Variants in AUTS2 observed in about 807,000 individuals in gnomAD.
The protein encoded by AUTS2 is activator of transcription and developmental regulator AUTS2, also known as autism susceptibility gene 2 protein.
Under a neutral mutation model 112.4 loss-of-function variants are expected in AUTS2, and 17 were observed. That is an observed-to-expected ratio of 0.15 (90% CI 0.10 to 0.23). The LOEUF is 0.23. Among genes scored for constraint, AUTS2 ranks in the 10% least tolerant of loss-of-function variants. The pLI is 1.00. For missense variants in AUTS2, 1,510 were observed against 1,701.6 expected (o/e 0.89, Z 1.98); for synonymous variants, 751 against 702.7 (o/e 1.07, Z -1.09).
At chr7:69,951,755 C>G (rs987779316) in intron 2 of AUTS2, among the ~76,000 whole-genome samples, 2 of 152,060 alleles carry the variant, frequency 1.3e-5, no homozygotes, top group South Asian at 4.1e-4. Context: ...GCTGATTTTT[C>G]CTTTCAACAG....
intron 4 of AUTS2, among the ~76,000 whole-genome samples, chr7:70,155,171 T>TCAAG (rs1807676301): frequency 6.6e-6 from 1 of 152,156 alleles, no homozygotes; most frequent in Non-Finnish European, 1.5e-5. Context: ...GTGGTCTCAT[T>TCAAG]CAAGCAAGAC....
At chr7:70,100,904 G>T (rs1298180124) in intron 2 of AUTS2, among the ~76,000 whole-genome samples, 3 of 152,044 alleles carry the variant, frequency 2.0e-5, no homozygotes, top group Non-Finnish European at 4.4e-5. Context: ...TTGAGACAGA[G>T]TCTCCTTCTA....
intron 2 of AUTS2, among the ~76,000 whole-genome samples, chr7:70,090,323 TTTAA>T (rs1470101965): frequency 2.6e-5 from 4 of 152,050 alleles, no homozygotes; most frequent in African/African-American, 9.6e-5. Flanking sequence ...GTTATTGATA[TTTAA>T]TTAGTTAATT....
At chr7:69,820,806 G>A (rs1790956210) in intron 1 of AUTS2, among the ~76,000 whole-genome samples, 1 of 152,166 alleles carries the variant, frequency 6.6e-6, no homozygotes, top group African/African-American at 2.4e-5. Context: ...CAAGAGCTTA[G>A]TTAAGTGTAG....
At chr7:70,384,825 C>G (rs1032847179) in intron 4 of AUTS2, among the ~76,000 whole-genome samples, 18 of 152,112 alleles carry the variant, frequency 1.2e-4, no homozygotes, top group Non-Finnish European at 2.4e-4. Context: ...TCTTTCATAT[C>G]CCCCACTGGC....
intron 2 of AUTS2, among the ~76,000 whole-genome samples, chr7:70,005,105 G>A (rs1449873304): frequency 1.3e-5 from 2 of 152,022 alleles, no homozygotes; most frequent in East Asian, 1.9e-4. Context: ...GATTAGAGGT[G>A]CGAGCCACCG....
At chr7:69,900,007 T>A (rs1794908391) in intron 2 of AUTS2, among the ~76,000 whole-genome samples, 1 of 152,226 alleles carries the variant, frequency 6.6e-6, no homozygotes, top group Non-Finnish European at 1.5e-5. Context: ...TTTTGGTGTC[T>A]TAGTTGTTCT....
intron 4 of AUTS2, among the ~76,000 whole-genome samples, chr7:70,215,571 C>T (rs1309189514): frequency 6.6e-6 from 1 of 152,110 alleles, no homozygotes; most frequent in Admixed American, 6.5e-5. Flanking sequence ...GAGAGACATA[C>T]TACAGGAAAG....
At chr7:70,132,726 G>C (rs1347663892) in intron 3 of AUTS2, among the ~76,000 whole-genome samples, 2 of 152,154 alleles carry the variant, frequency 1.3e-5, no homozygotes, top group African/African-American at 4.8e-5. Flanking sequence ...AGACCTGAAG[G>C]ATGTAATTTT....
chr7:69,863,772 G>A (rs778099049), intron 1 of AUTS2, among the ~76,000 whole-genome samples: 2 of 152,186 alleles, frequency 1.3e-5, no homozygotes, highest in Non-Finnish European at 2.9e-5. Flanking sequence ...GGGAGGCTGC[G>A]TGTGTGCCCC....
intron 5 of AUTS2, among the ~76,000 whole-genome samples, chr7:70,509,136 C>A (rs557862652): frequency 6.6e-6 from 1 of 152,184 alleles, no homozygotes; most frequent in Non-Finnish European, 1.5e-5. Context: ...TTTCTTTCTT[C>A]GCAGCAATAA....
At chr7:70,302,906 C>CTTTTT (rs61466921) in intron 4 of AUTS2, among the ~76,000 whole-genome samples, 2 of 127,894 alleles carry the variant, frequency 1.6e-5, no homozygotes, top group Admixed American at 7.9e-5. Context: ...GAAAGATCTT[C>CTTTTT]TTTTTTTTTT....
At chr7:69,716,422 C>T (rs145564589) in intron 1 of AUTS2, among the ~76,000 whole-genome samples, 4 of 151,848 alleles carry the variant, frequency 2.6e-5, no homozygotes, top group Admixed American at 6.6e-5. Context: ...GAGAAATTTT[C>T]GATAGGGAAA....
chr7:70,298,224 G>A (rs548772435), intron 4 of AUTS2, among the ~76,000 whole-genome samples: 1 of 152,060 alleles, frequency 6.6e-6, no homozygotes, highest in South Asian at 2.1e-4. Context: ...TAGAGATGGG[G>A]TTTCACCATG....
intron 5 of AUTS2, among the ~76,000 whole-genome samples, chr7:70,553,726 G>A (rs1039033366): frequency 1.1e-4 from 15 of 133,142 alleles, no homozygotes; most frequent in African/African-American, 4.0e-4. Context: ...TTTAAAGGTT[G>A]TATTGGGAGA....
intron 1 of AUTS2, among the ~76,000 whole-genome samples, chr7:69,871,475 G>A (rs1438217662): frequency 6.6e-6 from 1 of 152,096 alleles, no homozygotes; most frequent in Non-Finnish European, 1.5e-5. Flanking sequence ...TTTCCTATAC[G>A]TACGTGGCTG....
intron 2 of AUTS2, among the ~76,000 whole-genome samples, chr7:70,001,725 T>G (rs952092547): frequency 6.6e-6 from 1 of 151,488 alleles, no homozygotes; most frequent in Admixed American, 6.6e-5. Context: ...TTTTTTTTTT[T>G]TTTTGAGACT....
intron 5 of AUTS2, among the ~76,000 whole-genome samples, chr7:70,444,223 A>G (rs1796227045): frequency 6.6e-6 from 1 of 152,144 alleles, no homozygotes; most frequent in Non-Finnish European, 1.5e-5. Context: ...GCTTCATGTT[A>G]GTGGCCTCTG....
intron 2 of AUTS2, among the ~76,000 whole-genome samples, chr7:70,022,832 G>A (rs186199980): frequency 7.9e-5 from 12 of 151,702 alleles, no homozygotes; most frequent in Admixed American, 3.3e-4. Flanking sequence ...CCTCTAACTC[G>A]TGATACCATC....
Sources: gnomAD v4.1 joint callset for allele counts (sites outside exome capture counted in the v4.1 genomes callset) on GRCh38, gnomAD v4.1.1 for gene constraint, MANE v1.5 for transcripts, NCBI Gene and HGNC (gene_info 2026-07-23, HGNC 2026-07-21) for gene names.